Variants in CYP2R1 observed in about 807,000 individuals in gnomAD.
CYP2R1 encodes the protein vitamin D 25-hydroxylase.
A neutral mutation model predicts 45.7 loss-of-function variants in CYP2R1; 40 were observed. The observed-to-expected ratio is 0.87, with a 90% CI of 0.68 to 1.14. The LOEUF (loss-of-function observed/expected upper bound fraction) is 1.14. CYP2R1 is among the 50% of genes most tolerant of loss of function. The probability of loss-of-function intolerance (pLI) is 0.00; values close to 1 mark genes in which losing one functional copy is unlikely to be tolerated. For synonymous variants in CYP2R1, 234 were observed against 219.3 expected, an observed-to-expected ratio of 1.07 and a Z score of -0.59; for missense variants, 605 against 602.6, an observed-to-expected ratio of 1.00 and a Z score of -0.04.
In CYP2R1 at chr11:14,879,371, A is replaced by G; in HGVS notation, c.1073T>C (p.Met358Thr). The change falls in exon 4 of 5, where the codon ATG becomes ACG. Residue 358 changes from methionine (M) to threonine (T), a missense_variant. By Grantham distance (81) the Met-to-Thr change is moderately conservative (BLOSUM62 -1). Transcript: ENST00000334636. ...GKPSWDDKCK[M>T]PYTEAVLHEV... ...ATGCAAAACTGCCTCAGTATAAGGC[A>G]TTTTGCATTTGTCGTCCCAAGAAGG... is the stretch of plus-strand genomic sequence containing the variant. 2 of 1,611,154 alleles carry G rather than the reference A, an allele frequency of 1.2e-6. No individual in the cohort carries two copies. Among genetic ancestry groups the G allele is most frequent in the Non-Finnish European group, 1.7e-6 (2 of 1,179,456 alleles).
At chr11:14,891,836 A>C in intron 1 of CYP2R1, 145 bp downstream of exon 1, 2 of 1,412,490 alleles carry the variant, frequency 1.4e-6, no homozygotes, top group East Asian at 2.6e-5. Context: ...AGACCCGGGA[A>C]GCGGGTGTCC....
At position 14,892,188 on chromosome 11, in the gene CYP2R1, T is replaced by C; in HGVS notation, c.18A>G (p.Arg6=). 1.9e-6 allele frequency: 3 copies of C among 1,610,198 alleles called. No homozygotes were observed. The highest frequency in any genetic ancestry group is 1.3e-5 in the African/African-American group (1 of 74,886). The change falls in exon 1 of 5, where the codon AGA becomes AGG. Residue 6 remains arginine (R), a synonymous_variant. Coordinates refer to ENST00000334636, the MANE Select transcript of CYP2R1 (RefSeq NM_024514.5). MWKLW[R]AEEGAAALGG... ...CGAGCGCCGCCGCGCCCTCTTCAGC[T>C]CTCCAAAGCTTCCACATCGGCCCGA...
rs782065675 is a variant in CYP2R1 at position 14,885,995 on chromosome 11, A to G, written c.226-78T>C. The stretch of plus-strand genomic sequence containing the variant: ...ATAACCATGGAAATCTACAAGTGGT[A>G]AGTGCGGCTCTTCCAGGATTTGTTA... On this transcript the variant is annotated intron_variant, in intron 1 of 4. Coordinates refer to ENST00000334636, the MANE Select transcript of CYP2R1 (RefSeq NM_024514.5). 4 of 1,403,694 alleles carry G rather than the reference A, an allele frequency of 2.8e-6. No individual in the cohort carries two copies. In the Admixed American group the frequency reaches 6.8e-5, roughly 24 times the overall value. The allele number at this position is 1,403,694 out of a possible 1,614,324, so 87.0% of individuals were successfully genotyped here.
upstream of CYP2R1, chr11:14,892,316 T>G: frequency 9.5e-7 from 1 of 1,053,088 alleles, no homozygotes; most frequent in Non-Finnish European, 1.4e-6. Context: ...CCTAGCTCCG[T>G]GGCCATTGGC....
chr11:14,883,552 T>TA (rs1385875199), intron 2 of CYP2R1, among the ~76,000 whole-genome samples: 1 of 151,660 alleles, frequency 6.6e-6, no homozygotes, highest in African/African-American at 2.4e-5. Context: ...ATTAAAGACT[T>TA]AAACGTTAGA....
intron 1 of CYP2R1, among the ~76,000 whole-genome samples, chr11:14,888,242 C>G (rs1313568014): frequency 8.5e-5 from 13 of 152,156 alleles, no homozygotes; most frequent in Non-Finnish European, 1.6e-4. Flanking sequence ...CTTCCCCCAA[C>G]TAGAATATAA....
rs894024346 is a variant in CYP2R1, at chr11:14,879,122, A to G, written c.1322T>C (p.Phe441Ser). 8.7e-6 allele frequency: 14 copies of G among 1,612,834 alleles called. No individual in the cohort carries two copies. The highest frequency in any genetic ancestry group is 1.1e-5 in the Non-Finnish European group (13 of 1,179,178). The part of the protein sequence containing the change: ...YFAKKEALVP[F>S]SLGRRHCLGE... ...CGTGAAAGTTCTCTTACCTAGGGAA[A>G]AAGGAACCAAAGCTTCCTTCTTGGC... Residue 441 changes from phenylalanine to serine, a missense_variant, in exon 4 of 5, where the codon TTT (phenylalanine) becomes TCT (serine). Physicochemically the swap from Phe to Ser is radical, Grantham distance 155. Coordinates refer to ENST00000334636, the MANE Select transcript of CYP2R1 (RefSeq NM_024514.5).
intron 1 of CYP2R1, chr11:14,886,623 G>C (rs139636598): frequency 6.6e-6 from 1 of 152,520 alleles, no homozygotes; most frequent in African/African-American, 2.4e-5. Flanking sequence ...CACTTACAAT[G>C]TCACACCTCC....
chr11:14,879,149 A>G lies in CYP2R1; in HGVS notation c.1295T>C (p.Phe432Ser). ...PERFLDSSGY[F>S]AKKEALVPFS... ...AGGAACCAAAGCTTCCTTCTTGGCA[A>G]AATATCCACTGCTGTCCAGAAATCG... The change falls in exon 4 of 5, where the codon TTT becomes TCT. Residue 432 changes from phenylalanine to serine, a missense_variant. Phe to Ser is a radical substitution (Grantham distance 155). Coordinates refer to ENST00000334636, the MANE Select transcript of CYP2R1 (RefSeq NM_024514.5). The G allele has an allele frequency of 1.2e-6, 2 of 1,613,232 alleles. No homozygotes were observed. Among genetic ancestry groups the G allele is most frequent in the Non-Finnish European group, 1.7e-6 (2 of 1,179,490 alleles).
chr11:14,890,474 T>C lies in CYP2R1; in HGVS notation c.225+1507A>G, dbSNP rs968092438. 3 of 978,804 alleles carry C rather than the reference T, an allele frequency of 3.1e-6. No individual in the cohort carries two copies. In the African/African-American group the frequency reaches 5.3e-5, roughly 17 times the overall value. The allele number at this position is 978,804 out of a possible 1,614,324, so 60.6% of individuals were successfully genotyped here. A position where few individuals can be genotyped will look rare whatever the true frequency, so the allele number is the denominator to read the frequency against. On this transcript the variant is annotated intron_variant, in intron 1 of 4. Transcript: ENST00000334636. The stretch of plus-strand genomic sequence containing the variant: ...GCTTCCCTTTAACAACGTAAACTAT[T>C]CGTGAACCATGAAAGGAACGTAAAC...
In CYP2R1 at chr11:14,880,160, T is replaced by G; in HGVS notation, c.976A>C (p.Met326Leu). The change falls in exon 3 of 5, where the codon ATG (methionine) becomes CTG (leucine). Residue 326 changes from methionine (M) to leucine (L), a missense_variant. Physicochemically the swap from Met to Leu is conservative, Grantham distance 15 (BLOSUM62 2). Transcript: ENST00000334636. The stretch of plus-strand genomic sequence containing the variant: ...CCTTGAATATTAGGATAAAGGGCCA[T>G]GAAAAGAATCGCCCACCGTAGCACA... ...TNVLRWAILFMALYPNIQGQV... is the reference protein window; with the variant it reads ...TNVLRWAILFLALYPNIQGQV... 1 of 1,612,772 alleles carries G rather than the reference T, an allele frequency of 6.2e-7. No homozygotes were observed. The highest frequency in any genetic ancestry group is 1.3e-5 in the African/African-American group (1 of 74,970).
rs568177082 is a variant in CYP2R1, at chr11:14,891,168, G to A, written c.225+813C>T. On this transcript the variant is annotated intron_variant, in intron 1 of 4. Transcript: ENST00000334636. ...GGACACCCACACACAAGCGGTGGTC[G>A]CCTTTTCCGCTGCCAGTCACAGGGC... The A allele has an allele frequency of 1.0e-5, 10 of 985,318 alleles. No individual in the cohort carries two copies. In the African/African-American group the frequency reaches 1.6e-4, roughly 15 times the overall value. The allele number at this position is 985,318 out of a possible 1,614,324, so 61.0% of individuals were successfully genotyped here. A position where few individuals can be genotyped will look rare whatever the true frequency, so the allele number is the denominator to read the frequency against.
chr11:14,880,496 A>G lies in CYP2R1; in HGVS notation c.640T>C (p.Phe214Leu). The G allele has an allele frequency of 3.7e-6, 6 of 1,613,570 alleles. No individual in the cohort carries two copies. Among genetic ancestry groups the G allele is most frequent in the South Asian group, 1.1e-5 (1 of 91,070 alleles). Residue 214 changes from phenylalanine (F) to leucine (L), a missense_variant, in exon 3 of 5, where the codon TTT becomes CTT. Physicochemically the swap from Phe to Leu is conservative, Grantham distance 22. Coordinates refer to ENST00000334636, the MANE Select transcript of CYP2R1 (RefSeq NM_024514.5). ...DTDFQHMIELFSENVELAASA... is the reference protein window; with the variant it reads ...DTDFQHMIELLSENVELAASA... ...GCAGCTAGTTCCACATTTTCACTAA[A>G]TAACTCAATCATGTGCTGAAAATCG...
intron 1 of CYP2R1, chr11:14,887,631 T>G: frequency 2.0e-6 from 2 of 985,358 alleles, no homozygotes; most frequent in Non-Finnish European, 2.4e-6. Context: ...TTTCCTTGCC[T>G]TCTAGATCAC....
At chr11:14,883,142 C>G (rs1351877914) in intron 2 of CYP2R1, among the ~76,000 whole-genome samples, 3 of 152,264 alleles carry the variant, frequency 2.0e-5, no homozygotes, top group Non-Finnish European at 4.4e-5. Context: ...CCATCCCCAT[C>G]AAGCTACCAA....
Position 14,878,235 on chromosome 11 carries a change from A to G in CYP2R1, c.1393T>C (p.Leu465=). ...RMEMFLFFTA[L]LQRFHLHFPH... ...AAATGCAAATGAAACCTCTGAAGCAATGCTGTAAAAAACAAGAACATTTCC... is the reference window on the plus strand; with the variant it reads ...AAATGCAAATGAAACCTCTGAAGCAGTGCTGTAAAAAACAAGAACATTTCC... The change falls in exon 5 of 5, where the codon TTG becomes CTG. Residue 465 remains leucine, a synonymous_variant. Coordinates refer to ENST00000334636, the MANE Select transcript of CYP2R1 (RefSeq NM_024514.5). 1 of 1,613,266 alleles carries G rather than the reference A, an allele frequency of 6.2e-7. No homozygotes were observed. The highest frequency in any genetic ancestry group is 8.5e-7 in the Non-Finnish European group (1 of 1,179,510).
At chr11:14,879,093 G>T in intron 4 of CYP2R1, 21 bp downstream of exon 4, 2 of 1,569,418 alleles carry the variant, frequency 1.3e-6, no homozygotes, top group Non-Finnish European at 1.8e-6. Flanking sequence ...CTAAAGTTAC[G>T]CCCCGTGAAA....
chr11:14,878,844 A>C (rs1355507164), intron 4 of CYP2R1, among the ~76,000 whole-genome samples: 1 of 152,050 alleles, frequency 6.6e-6, no homozygotes. Context: ...CTGTTACTGA[A>C]TTCTCATTCC....
intron 2 of CYP2R1, among the ~76,000 whole-genome samples, chr11:14,882,773 A>T (rs1848441225): frequency 6.6e-6 from 1 of 152,166 alleles, no homozygotes; most frequent in South Asian, 2.1e-4. Flanking sequence ...TGATTGTATA[A>T]CGAGAAAACC....
Sources: gnomAD v4.1 joint callset for allele counts (sites outside exome capture counted in the v4.1 genomes callset) on GRCh38, gnomAD v4.1.1 for gene constraint, MANE v1.5 for transcripts, NCBI Gene and HGNC (gene_info 2026-07-23, HGNC 2026-07-21) for gene names.